KCNK13: variants seen among roughly 807,000 people sequenced by gnomAD.
KCNK13 encodes the protein potassium two pore domain channel subfamily K member 13, also known as potassium channel subfamily K member 13.
Under a neutral mutation model 23.4 loss-of-function variants are expected in KCNK13, and 12 were observed. The observed-to-expected ratio is 0.51, with a 90% CI of 0.33 to 0.83. KCNK13 has a LOEUF of 0.83. KCNK13 is among the 40% of genes least tolerant of loss of function. The pLI, the probability that KCNK13 is intolerant of heterozygous loss-of-function variation, is 0.02. For synonymous variants in KCNK13, 231 were observed against 229.5 expected, an observed-to-expected ratio of 1.01 and a Z score of -0.06; for missense variants, 463 against 556.3, an observed-to-expected ratio of 0.83 and a Z score of 1.69.
chr14:90,168,095 G>A (rs954822175), intron 1 of KCNK13, among the ~76,000 whole-genome samples: 3 of 152,086 alleles, frequency 2.0e-5, no homozygotes, highest in Admixed American at 6.6e-5. Context: ...AGTGAGGGGC[G>A]GGGTGTGGTG....
chr14:90,082,546 T>G lies in KCNK13; in HGVS notation c.334+20007T>G, dbSNP rs1017601500. Reference sequence around the variant, plus strand: ...CATACAACATGTGGGCTTTTGTGACTGACTTCTTTCACTTAGCATGTTTTC... The same window carrying G: ...CATACAACATGTGGGCTTTTGTGACGGACTTCTTTCACTTAGCATGTTTTC... On this transcript the variant is annotated intron_variant, in intron 1 of 1. Coordinates refer to ENST00000282146, the MANE Select transcript of KCNK13 (RefSeq NM_022054.4). 4.6e-5 allele frequency among the ~76,000 whole-genome samples: 7 copies of G among 152,350 alleles called. No individual in the cohort carries two copies. The South Asian group carries it at 1.2e-3, about 27-fold the overall frequency.
At chr14:90,112,326 A>G (rs1006937598) in intron 1 of KCNK13, among the ~76,000 whole-genome samples, 12 of 152,314 alleles carry the variant, frequency 7.9e-5, no homozygotes, top group East Asian at 1.9e-4. Flanking sequence ...CTCATCATCT[A>G]TTCTTGCTCT....
rs140171671 is a variant in KCNK13 at position 90,090,105 on chromosome 14, G to A, written c.334+27566G>A. ...CACATAGCAGAGCTGTAAGAAGAAA[G>A]CCACTATCCTCCAGACCCCAGAATG... On this transcript the variant is annotated intron_variant, in intron 1 of 1. Coordinates refer to ENST00000282146, the MANE Select transcript of KCNK13 (RefSeq NM_022054.4). 2.8e-3 allele frequency among the ~76,000 whole-genome samples: 431 copies of A among 152,346 alleles called. 3 individuals are homozygous for A. The highest frequency in any genetic ancestry group is 0.014 in the Middle Eastern group (4 of 294).
intron 1 of KCNK13, among the ~76,000 whole-genome samples, chr14:90,126,442 T>C (rs28567054): frequency 4.1e-3 from 374 of 90,140 alleles, no homozygotes; most frequent in East Asian, 0.014. Context: ...TGTGACGTGA[T>C]GTGACGTGAC....
At chr14:90,133,955 T>C (rs1889904964) in intron 1 of KCNK13, among the ~76,000 whole-genome samples, 1 of 152,090 alleles carries the variant, frequency 6.6e-6, no homozygotes, top group South Asian at 2.1e-4. Flanking sequence ...ATTCTTCCCA[T>C]CCATATTCCC....
chr14:90,156,546 A>T (rs1220773240), intron 1 of KCNK13, among the ~76,000 whole-genome samples: 2 of 152,210 alleles, frequency 1.3e-5, no homozygotes, highest in East Asian at 3.8e-4. Context: ...CTAAAGCCAC[A>T]TAGAATTGTG....
chr14:90,151,213 A>C (rs928037768), intron 1 of KCNK13, among the ~76,000 whole-genome samples: 6 of 152,238 alleles, frequency 3.9e-5, no homozygotes, highest in Non-Finnish European at 8.8e-5. Flanking sequence ...AGAATAGCCT[A>C]ATACACAGAG....
chr14:90,177,342 A>G (rs1890433819), intron 1 of KCNK13: 1 of 152,228 alleles, frequency 6.6e-6, no homozygotes, highest in Non-Finnish European at 1.5e-5. Flanking sequence ...AAAAAAAGTA[A>G]TGAAAGATAA....
chr14:90,092,607 T>C (rs1889361597), intron 1 of KCNK13, among the ~76,000 whole-genome samples: 1 of 152,140 alleles, frequency 6.6e-6, no homozygotes, highest in African/African-American at 2.4e-5. Context: ...CTTTTCAGAA[T>C]TGAGTGTTTT....
intron 1 of KCNK13, among the ~76,000 whole-genome samples, chr14:90,141,481 G>C (rs1041473208): frequency 3.3e-5 from 5 of 152,010 alleles, no homozygotes; most frequent in African/African-American, 1.2e-4. Flanking sequence ...TTCTGAGATA[G>C]AGTTTCGCTC....
chr14:90,085,334 A>C (rs1306025352), intron 1 of KCNK13, among the ~76,000 whole-genome samples: 7 of 151,906 alleles, frequency 4.6e-5, no homozygotes, highest in Admixed American at 4.6e-4. Context: ...TTGGTTTGCT[A>C]GTATTTTGTT....
chr14:90,111,670 T>C (rs1430296884), intron 1 of KCNK13, among the ~76,000 whole-genome samples: 1 of 152,176 alleles, frequency 6.6e-6, no homozygotes, highest in Non-Finnish European at 1.5e-5. Context: ...AGCCCTTTCG[T>C]CTCTAGATGC....
chr14:90,134,650 C>T (rs1373495324), intron 1 of KCNK13, among the ~76,000 whole-genome samples: 3 of 152,146 alleles, frequency 2.0e-5, no homozygotes, highest in Non-Finnish European at 4.4e-5. Context: ...ATAGGATAAT[C>T]GTATGATAGA....
intron 1 of KCNK13, among the ~76,000 whole-genome samples, chr14:90,170,958 C>T (rs954130397): frequency 6.6e-6 from 1 of 152,218 alleles, no homozygotes; most frequent in Non-Finnish European, 1.5e-5. Flanking sequence ...AGCTTTTCAT[C>T]TTGTAGCCAT....
At chr14:90,158,102 A>G (rs1401161023) in intron 1 of KCNK13, among the ~76,000 whole-genome samples, 3 of 152,162 alleles carry the variant, frequency 2.0e-5, no homozygotes, top group African/African-American at 7.2e-5. Flanking sequence ...ACTGAGCTGA[A>G]CAAACCTTCA....
chr14:90,123,506 A>G (rs1257452131), intron 1 of KCNK13, among the ~76,000 whole-genome samples: 1 of 152,212 alleles, frequency 6.6e-6, no homozygotes, highest in African/African-American at 2.4e-5. Flanking sequence ...ATACAGTCAC[A>G]TTCTGAGGTA....
chr14:90,109,409 CTTTT>C (rs557644405), intron 1 of KCNK13, among the ~76,000 whole-genome samples: 4 of 123,314 alleles, frequency 3.2e-5, no homozygotes, highest in Non-Finnish European at 1.6e-5. Context: ...CTTTTCTTTC[CTTTT>C]TTTTTTTTTT....
At chr14:90,113,015 G>A (rs1010746691) in intron 1 of KCNK13, among the ~76,000 whole-genome samples, 5 of 151,432 alleles carry the variant, frequency 3.3e-5, no homozygotes, top group African/African-American at 1.2e-4. Flanking sequence ...TTGGGCTCAA[G>A]CAATCCTTTC....
At chr14:90,172,619 T>C (rs566264371) in intron 1 of KCNK13, among the ~76,000 whole-genome samples, 1 of 120,064 alleles carries the variant, frequency 8.3e-6, no homozygotes, top group South Asian at 3.2e-4. Context: ...GTTACACTGA[T>C]GTGATTGTAT....
Sources: gnomAD v4.1 joint callset for allele counts (sites outside exome capture counted in the v4.1 genomes callset) on GRCh38, gnomAD v4.1.1 for gene constraint, MANE v1.5 for transcripts, NCBI Gene and HGNC (gene_info 2026-07-23, HGNC 2026-07-21) for gene names.